THRB: variants seen among roughly 807,000 people sequenced by gnomAD.
THRB encodes the protein thyroid hormone receptor beta.
Under a neutral mutation model 47.8 loss-of-function variants are expected in THRB, and 12 were observed. The ratio of observed to expected loss-of-function variants is 0.25; its 90% CI spans 0.16 to 0.41. The LOEUF (loss-of-function observed/expected upper bound fraction) is 0.41, where lower values mean the gene tolerates loss of function less well. Among genes scored for constraint, THRB ranks in the 10% least tolerant of loss-of-function variants. THRB has a pLI of 1.00. For missense variants in THRB, 348 were observed against 589.2 expected (o/e 0.59, Z 4.24); for synonymous variants, 218 against 212.2 (o/e 1.03, Z -0.24).
At chr3:24,477,085 G>GGTGTGTGTGTGTGT (rs71855335) in intron 1 of THRB, among the ~76,000 whole-genome samples, 5 of 137,572 alleles carry the variant, frequency 3.6e-5, no homozygotes, top group African/African-American at 1.3e-4. Flanking sequence ...CATATAAAGG[G>GGTGTGTGTGTGTGT]GTGTGTGTGT....
chr3:24,237,532 T>C (rs1683509343), intron 3 of THRB, among the ~76,000 whole-genome samples: 1 of 151,850 alleles, frequency 6.6e-6, no homozygotes, highest in African/African-American at 2.4e-5. Context: ...TCCTCTTCTC[T>C]CTCTTCCCCT....
intron 1 of THRB, among the ~76,000 whole-genome samples, chr3:24,352,876 C>G (rs1158189264): frequency 1.3e-5 from 2 of 152,050 alleles, no homozygotes; most frequent in Non-Finnish European, 1.5e-5. Context: ...CCTTGTTTTT[C>G]AAATTCCCAC....
chr3:24,203,625 G>C (rs1405625774), intron 4 of THRB, among the ~76,000 whole-genome samples: 1 of 152,186 alleles, frequency 6.6e-6, no homozygotes, highest in Non-Finnish European at 1.5e-5. Flanking sequence ...TGAGGTACCA[G>C]GTTCATCTCA....
intron 3 of THRB, among the ~76,000 whole-genome samples, chr3:24,277,803 A>G (rs2054090870): frequency 6.6e-6 from 1 of 152,212 alleles, no homozygotes; most frequent in African/African-American, 2.4e-5. Context: ...AACTAATGTT[A>G]CATATAAATA....
chr3:24,466,760 T>G (rs2074189702), intron 1 of THRB, among the ~76,000 whole-genome samples: 1 of 152,184 alleles, frequency 6.6e-6, no homozygotes, highest in Non-Finnish European at 1.5e-5. Flanking sequence ...AATATTTTAT[T>G]GTGAAAAAAT....
chr3:24,211,676 T>G (rs2046039480), intron 4 of THRB, among the ~76,000 whole-genome samples: 1 of 152,174 alleles, frequency 6.6e-6, no homozygotes, highest in Non-Finnish European at 1.5e-5. Context: ...GAAGATTGTA[T>G]TCTTTTTGCC....
intron 1 of THRB, among the ~76,000 whole-genome samples, chr3:24,376,445 A>C (rs905045483): frequency 4.6e-5 from 7 of 152,212 alleles, no homozygotes; most frequent in East Asian, 1.9e-4. Flanking sequence ...CTGCACAAGA[A>C]AAGAACTCTA....
intron 1 of THRB, among the ~76,000 whole-genome samples, chr3:24,339,128 T>C (rs1015216615): frequency 6.6e-6 from 1 of 152,110 alleles, no homozygotes; most frequent in African/African-American, 2.4e-5. Context: ...TACAAAACTA[T>C]ATATATATAG....
intron 4 of THRB, among the ~76,000 whole-genome samples, chr3:24,224,457 A>G (rs2047456194): frequency 6.6e-6 from 1 of 152,092 alleles, no homozygotes; most frequent in Admixed American, 6.6e-5. Context: ...TGCCATCAGT[A>G]ACCTTTTGAA....
At chr3:24,183,823 G>A (rs182413132) in intron 5 of THRB, among the ~76,000 whole-genome samples, 161 of 152,026 alleles carry the variant, frequency 1.1e-3, no homozygotes, top group Non-Finnish European at 1.6e-3. Flanking sequence ...CTGAGCTGAT[G>A]ATTTAAAGAG....
chr3:24,207,066 G>A (rs1259601633), intron 4 of THRB, among the ~76,000 whole-genome samples: 8 of 152,098 alleles, frequency 5.3e-5, no homozygotes, highest in African/African-American at 1.4e-4. Context: ...TACCAGAGGT[G>A]CAAGGAAGAG....
intron 5 of THRB, among the ~76,000 whole-genome samples, chr3:24,164,743 A>G (rs2149279936): frequency 6.6e-6 from 1 of 152,324 alleles, no homozygotes; most frequent in African/African-American, 2.4e-5. Context: ...TTTCTTTCGC[A>G]AAGAAGCCAA....
chr3:24,206,315 T>G (rs930570591), intron 4 of THRB, among the ~76,000 whole-genome samples: 3 of 152,254 alleles, frequency 2.0e-5, no homozygotes, highest in African/African-American at 7.2e-5. Context: ...CAGACCACAG[T>G]GCAATCAAAT....
At chr3:24,330,014 A>C (rs2061814855) in intron 2 of THRB, among the ~76,000 whole-genome samples, 1 of 152,220 alleles carries the variant, frequency 6.6e-6, no homozygotes, top group Admixed American at 6.5e-5. Context: ...AAAAGTAAAG[A>C]TTTCATTTCG....
intron 4 of THRB, among the ~76,000 whole-genome samples, chr3:24,215,177 A>G (rs1009241170): frequency 1.3e-5 from 2 of 152,182 alleles, no homozygotes; most frequent in African/African-American, 2.4e-5. Context: ...TTATTAATCT[A>G]GGCTCTGTGC....
rs180886536 is a variant in THRB at position 24,340,970 on chromosome 3, T to C, written c.-260-3599A>G. Among the ~76,000 whole-genome samples, 28 of 152,188 alleles carry C rather than the reference T, an allele frequency of 1.8e-4. No individual in the cohort carries two copies. In the East Asian group the frequency reaches 3.7e-3, roughly 20 times the overall value. On this transcript the variant is annotated intron_variant, in intron 1 of 10. Coordinates refer to ENST00000646209, the MANE Select transcript of THRB (RefSeq NM_001354712.2). ...TCCTCCCTGTTTCCTTCCTTCTTTT[T>C]TTCCTTCCTTCCTGCGTTCCTTTCA...
intron 3 of THRB, among the ~76,000 whole-genome samples, chr3:24,250,161 C>G (rs757651718): frequency 6.6e-6 from 1 of 152,164 alleles, no homozygotes; most frequent in Non-Finnish European, 1.5e-5. Flanking sequence ...CCTCATGTCA[C>G]TTTTCTTAAC....
At chr3:24,387,276 A>G (rs1360095503) in intron 1 of THRB, among the ~76,000 whole-genome samples, 1 of 152,016 alleles carries the variant, frequency 6.6e-6, no homozygotes, top group East Asian at 1.9e-4. Context: ...CAAATCTACA[A>G]TCATTTAGGC....
intron 3 of THRB, among the ~76,000 whole-genome samples, chr3:24,263,207 C>T (rs1215843916): frequency 6.6e-6 from 1 of 152,126 alleles, no homozygotes; most frequent in Non-Finnish European, 1.5e-5. Context: ...GGACTGCTTC[C>T]AATTTTCTTC....
Sources: allele counts gnomAD v4.1 joint callset (sites outside exome capture counted in the v4.1 genomes callset), GRCh38; gene constraint gnomAD v4.1.1; transcripts MANE v1.5; gene names NCBI Gene and HGNC (gene_info 2026-07-23, HGNC 2026-07-21).